Variants in NCOA6 observed in about 807,000 individuals in gnomAD.
The protein encoded by NCOA6 is nuclear receptor coactivator 6, also known as NRC RAP250.
Under a neutral mutation model 171.4 loss-of-function variants are expected in NCOA6, and 49 were observed. That is an observed-to-expected ratio of 0.29 (90% CI 0.23 to 0.36). The LOEUF (loss-of-function observed/expected upper bound fraction) is 0.36. Among genes scored for constraint, NCOA6 ranks in the 10% least tolerant of loss-of-function variants. The probability of loss-of-function intolerance (pLI) is 1.00; values close to 1 mark genes in which losing one functional copy is unlikely to be tolerated. For synonymous variants in NCOA6, 910 were observed against 927.5 expected, an observed-to-expected ratio of 0.98 and a Z score of 0.34; for missense variants, 2,248 against 2,554.5, an observed-to-expected ratio of 0.88 and a Z score of 2.59.
chr20:34,792,708 C>A, intron 1 of NCOA6, 145 bp from the exon 2 acceptor site: 1 of 387,440 alleles, frequency 2.6e-6, no homozygotes, highest in South Asian at 1.4e-4. Context: ...GTTATCAAGT[C>A]AGCATTGGCA....
intron 12 of NCOA6, among the ~76,000 whole-genome samples, chr20:34,733,561 T>C (rs1046741505): frequency 6.6e-6 from 1 of 152,176 alleles, no homozygotes; most frequent in African/African-American, 2.4e-5. Context: ...CATTACCCAC[T>C]TCAAAGTTAA....
chr20:34,768,656 T>C, intron 4 of NCOA6, 70 bp from the exon 5 acceptor site: 6 of 1,539,320 alleles, frequency 3.9e-6, no homozygotes, highest in Non-Finnish European at 4.4e-6. Flanking sequence ...TAGACAGCTA[T>C]ATAAGTGCTT....
rs188184899 is a variant in NCOA6 at position 34,723,370 on chromosome 20, G to A, written c.6148+3889C>T. 4.6e-5 allele frequency among the ~76,000 whole-genome samples: 7 copies of A among 152,310 alleles called. No homozygotes were observed. In the East Asian group the frequency reaches 7.7e-4, roughly 17 times the overall value. ...ACACCTTACATCTTGTGTCAGAAGC[G>A]TGTTGTGAGAGTATAGCAGGAGAAA... On this transcript the variant is annotated intron_variant, in intron 14 of 14. Coordinates refer to ENST00000359003, the MANE Select transcript of NCOA6 (RefSeq NM_014071.5).
intron 1 of NCOA6, among the ~76,000 whole-genome samples, chr20:34,799,439 G>T (rs2146439191): frequency 6.6e-6 from 1 of 152,238 alleles, no homozygotes; most frequent in Admixed American, 6.5e-5. Context: ...TAATAACAGA[G>T]AATTTCCCAA....
intron 4 of NCOA6, among the ~76,000 whole-genome samples, chr20:34,770,019 C>G (rs1384939077): frequency 6.6e-6 from 1 of 150,832 alleles, no homozygotes; most frequent in East Asian, 1.9e-4. Context: ...TTCCTCTGTT[C>G]TGTCACTGAT....
intron 13 of NCOA6, 138 bp downstream of exon 13, chr20:34,732,421 G>T: frequency 1.4e-6 from 1 of 707,796 alleles, no homozygotes. Flanking sequence ...AGCTCTCTAC[G>T]TTAGCAGTAA....
chr20:34,748,212 T>G (rs776616667), intron 9 of NCOA6, among the ~76,000 whole-genome samples: 2 of 152,278 alleles, frequency 1.3e-5, no homozygotes, highest in South Asian at 4.2e-4. Flanking sequence ...TATTAAATAA[T>G]TATTCCCATA....
At chr20:34,781,947 C>T (rs995208621) in intron 3 of NCOA6, among the ~76,000 whole-genome samples, 174 bp downstream of exon 3, 5 of 152,148 alleles carry the variant, frequency 3.3e-5, no homozygotes, top group Admixed American at 3.3e-4. Context: ...CTTCTATGTA[C>T]TTAAAAAGAA....
intron 1 of NCOA6, among the ~76,000 whole-genome samples, chr20:34,799,465 T>C (rs1484617152): frequency 6.6e-6 from 1 of 152,100 alleles, no homozygotes; most frequent in African/African-American, 2.4e-5. Flanking sequence ...GAGAAAGATA[T>C]CAATATTCAA....
rs748572828 is a variant in NCOA6 at position 34,754,786 on chromosome 20, T to TGTG, written c.1608_1610dup (p.Thr537dup). On this transcript the variant is annotated inframe_insertion, in exon 8 of 15. Transcript: ENST00000359003. ...CTCCTGAATTCCCAGGGGTGGTTGC[T>TGTG]GTGGTCGAAGGCACCTGACCTTGCA... The TGTG allele has an allele frequency of 6.2e-7, 1 of 1,614,208 alleles. No homozygotes were observed. The highest frequency in any genetic ancestry group is 1.1e-5 in the South Asian group (1 of 91,086).
intron 14 of NCOA6, among the ~76,000 whole-genome samples, chr20:34,720,160 C>T (rs971335721): frequency 3.3e-5 from 5 of 152,106 alleles, no homozygotes; most frequent in Non-Finnish European, 5.9e-5. Flanking sequence ...GAAAATATAA[C>T]AACAACTATT....
intron 1 of NCOA6, among the ~76,000 whole-genome samples, chr20:34,792,966 A>G (rs1377091373): frequency 1.3e-5 from 2 of 151,694 alleles, no homozygotes; most frequent in Non-Finnish European, 2.9e-5. Context: ...TTTTTTTGGT[A>G]GAGATGGGGT....
At chr20:34,817,457 G>A (rs2146721086) in intron 1 of NCOA6, among the ~76,000 whole-genome samples, 1 of 152,050 alleles carries the variant, frequency 6.6e-6, no homozygotes, top group South Asian at 2.1e-4. Flanking sequence ...CTGCTTTATA[G>A]AGATTGTATA....
At chr20:34,774,102 T>C (rs923793648) in intron 4 of NCOA6, among the ~76,000 whole-genome samples, 6 of 152,246 alleles carry the variant, frequency 3.9e-5, no homozygotes, top group Admixed American at 2.6e-4. Context: ...AGCATTATAT[T>C]GTTTTAGGAA....
chr20:34,798,482 G>A (rs896558712), intron 1 of NCOA6, among the ~76,000 whole-genome samples: 8 of 152,236 alleles, frequency 5.3e-5, no homozygotes, highest in African/African-American at 1.9e-4. Context: ...ACAGGTGATA[G>A]CCAGGTGGTA....
At chr20:34,745,657 A>T (rs770069974) in intron 10 of NCOA6, among the ~76,000 whole-genome samples, 27 of 152,238 alleles carry the variant, frequency 1.8e-4, no homozygotes, top group Non-Finnish European at 3.2e-4. Flanking sequence ...TGCCAAAAAG[A>T]AGTTGAAATA....
intron 1 of NCOA6, among the ~76,000 whole-genome samples, chr20:34,806,584 T>C (rs563437533): frequency 2.6e-5 from 4 of 152,344 alleles, no homozygotes; most frequent in South Asian, 4.1e-4. Context: ...TTTTTGTATA[T>C]GGTGAGAGAT....
In NCOA6 at chr20:34,742,837, G is replaced by A; in HGVS notation, c.3419C>T (p.Ala1140Val). Reference sequence around the variant, plus strand: ...GTTTGGGCCTCCTGGGACAGATGGTGCTTCACTGCCACTTGCTTCAGGGAG... The same window carrying A: ...GTTTGGGCCTCCTGGGACAGATGGTACTTCACTGCCACTTGCTTCAGGGAG... ...ASLPEASGSEAPSVPGGPNNM... is the reference protein window; with the variant it reads ...ASLPEASGSEVPSVPGGPNNM... Residue 1140 changes from alanine to valine, a missense_variant, in exon 11 of 15, where the codon GCA (alanine) becomes GTA (valine). Around this residue, in one of 7 missense-constraint regions of NCOA6, gnomAD observed 352 missense variants for 419.1 expected, o/e 0.84. Transcript: ENST00000359003. 2 of 1,614,200 alleles carry A rather than the reference G, an allele frequency of 1.2e-6. No homozygotes were observed. Among genetic ancestry groups the A allele is most frequent in the South Asian group, 2.2e-5 (2 of 91,078 alleles).
chr20:34,817,210 AG>A (rs2078869964), intron 1 of NCOA6, among the ~76,000 whole-genome samples: 1 of 131,276 alleles, frequency 7.6e-6, no homozygotes, highest in African/African-American at 2.7e-5. Context: ...ATTCAATATC[AG>A]TAAAGGAGCT....
Sources: allele counts gnomAD v4.1 joint callset (sites outside exome capture counted in the v4.1 genomes callset), GRCh38; gene constraint gnomAD v4.1.1; regional missense constraint gnomAD v4.1.1; transcripts MANE v1.5; gene names NCBI Gene and HGNC (gene_info 2026-07-23, HGNC 2026-07-21).